FBXL14: variants seen among roughly 807,000 people sequenced by gnomAD.
FBXL14 encodes F-box/LRR-repeat protein 14.
FBXL14 carries 11 observed loss-of-function variants against 24.5 expected under a neutral mutation model. The ratio of observed to expected loss-of-function variants is 0.45; its 90% CI spans 0.28 to 0.74. The LOEUF is 0.74. Ranked by LOEUF, FBXL14 falls within the 30% of genes least tolerant of loss-of-function variation. The pLI is 0.12. For synonymous variants in FBXL14, 294 were observed against 240.4 expected, an observed-to-expected ratio of 1.22 and a Z score of -2.06; for missense variants, 384 against 545.6, an observed-to-expected ratio of 0.70 and a Z score of 2.95.
At chr12:1,584,252 G>C (rs2094472348) in intron 1 of FBXL14, among the ~76,000 whole-genome samples, 2 of 152,186 alleles carry the variant, frequency 1.3e-5, no homozygotes, top group Admixed American at 6.6e-5. Context: ...TCGGGAGGCT[G>C]AGGTGGGAGG....
In FBXL14 at chr12:1,594,176, C is replaced by CCGCCGCCGCCGA; in HGVS notation, c.-111_-110insTCGGCGGCGGCG. The CCGCCGCCGCCGA allele has an allele frequency of 1.1e-6, 1 of 930,924 alleles. No individual in the cohort carries two copies. Among genetic ancestry groups the CCGCCGCCGCCGA allele is most frequent in the Non-Finnish European group, 1.4e-6 (1 of 730,282 alleles). 57.7% of individuals were successfully genotyped at this position (930,924 alleles called of 1,614,324 possible). A position where few individuals can be genotyped will look rare whatever the true frequency, so the allele number is the denominator to read the frequency against. On this transcript the variant is annotated 5_prime_UTR_variant, in exon 1 of 2. Coordinates refer to ENST00000339235, the MANE Select transcript of FBXL14 (RefSeq NM_152441.3). ...TCCCCAGCCGCCGCCGCCGCCGCCG[C>CCGCCGCCGCCGA]CGCCGCCTCGGGCCCAACGGCCGGC...
intron 1 of FBXL14, among the ~76,000 whole-genome samples, chr12:1,574,293 A>G (rs898236930): frequency 3.1e-4 from 30 of 98,018 alleles, no homozygotes; most frequent in African/African-American, 9.9e-4. Context: ...CGCCCCAGTG[A>G]TTCTCCTGTG....
At chr12:1,573,678 T>C (rs1190453987) in intron 1 of FBXL14, among the ~76,000 whole-genome samples, 1 of 152,212 alleles carries the variant, frequency 6.6e-6, no homozygotes, top group Non-Finnish European at 1.5e-5. Context: ...GAACATTCTA[T>C]GTCCATGGGT....
At position 1,591,062 on chromosome 12, in the gene FBXL14, T is replaced by C. The variant is rs542880455; in HGVS notation, c.1194+1811A>G. ...CTGTGACTTACATACAAATCTGGTTTTTTAAAAAGTTTCATTTTGTTCAAT... is the reference window on the plus strand; with the variant it reads ...CTGTGACTTACATACAAATCTGGTTCTTTAAAAAGTTTCATTTTGTTCAAT... On this transcript the variant is annotated intron_variant, in intron 1 of 1. Coordinates refer to ENST00000339235, the MANE Select transcript of FBXL14 (RefSeq NM_152441.3). Among the ~76,000 whole-genome samples the C allele has an allele frequency of 1.4e-4, 21 of 152,366 alleles. No homozygotes were observed. The South Asian group carries it at 4.1e-3, about 30-fold the overall frequency.
intron 1 of FBXL14, among the ~76,000 whole-genome samples, chr12:1,573,596 A>G (rs2094449278): frequency 6.6e-6 from 1 of 152,194 alleles, no homozygotes; most frequent in Non-Finnish European, 1.5e-5. Flanking sequence ...TAGCAATGGG[A>G]GGCTGCACAG....
intron 1 of FBXL14, among the ~76,000 whole-genome samples, chr12:1,570,716 G>C (rs915027169): frequency 6.6e-6 from 1 of 152,112 alleles, no homozygotes; most frequent in Non-Finnish European, 1.5e-5. Flanking sequence ...CAAGTGTCTC[G>C]ATCACTTTTG....
At chr12:1,573,605 A>G (rs370371312) in intron 1 of FBXL14, among the ~76,000 whole-genome samples, 2 of 152,232 alleles carry the variant, frequency 1.3e-5, no homozygotes, top group East Asian at 1.9e-4. Flanking sequence ...GAGGCTGCAC[A>G]GTGTTCATTC....
chr12:1,594,821 G>T (rs11061871), upstream of FBXL14, among the ~76,000 whole-genome samples: 6,728 of 151,498 alleles, frequency 0.044, 232 homozygotes, highest in Non-Finnish European at 0.065. Flanking sequence ...CCGCCGCCCT[G>T]CAGCGCGTCC....
intron 1 of FBXL14, among the ~76,000 whole-genome samples, chr12:1,573,417 G>A (rs74467140): frequency 0.022 from 3,311 of 152,266 alleles, 75 homozygotes; most frequent in Middle Eastern, 0.071. Flanking sequence ...ACAGGACAGG[G>A]TGCCTCGTAG....
At position 1,581,667 on chromosome 12, in the gene FBXL14, G is replaced by A. The variant is rs536467187; in HGVS notation, c.1194+11206C>T. ...CACAGAACTAGAGTGACAGCCACAT[G>A]CCTCCCGTAGGACATTTTCAGGCTT... On this transcript the variant is annotated intron_variant, in intron 1 of 1. Coordinates refer to ENST00000339235, the MANE Select transcript of FBXL14 (RefSeq NM_152441.3). Among the ~76,000 whole-genome samples, 125 of 152,342 alleles carry A rather than the reference G, an allele frequency of 8.2e-4. 2 individuals carry two copies. Among genetic ancestry groups the A allele is most frequent in the Middle Eastern group, 3.4e-3 (1 of 294 alleles).
chr12:1,572,197 A>T (rs1364429841), intron 1 of FBXL14, among the ~76,000 whole-genome samples: 1 of 152,248 alleles, frequency 6.6e-6, no homozygotes, highest in African/African-American at 2.4e-5. Flanking sequence ...CAGTATGACA[A>T]TCCATGCAAG....
chr12:1,581,606 G>A (rs1474039626), intron 1 of FBXL14, among the ~76,000 whole-genome samples: 4 of 152,164 alleles, frequency 2.6e-5, no homozygotes, highest in African/African-American at 7.2e-5. Context: ...GAAATGGGGT[G>A]TGGATGAAAA....
chr12:1,577,738 A>G (rs938105709), intron 1 of FBXL14, among the ~76,000 whole-genome samples: 3 of 152,264 alleles, frequency 2.0e-5, no homozygotes, highest in African/African-American at 7.2e-5. Flanking sequence ...CACTGACTTC[A>G]GGTGACCAGG....
intron 1 of FBXL14, among the ~76,000 whole-genome samples, chr12:1,573,585 A>G (rs10773962): frequency 0.68 from 102,893 of 151,970 alleles, 35,596 homozygotes; most frequent in Middle Eastern, 0.78. Context: ...GGGCACAGAG[A>G]TAGCAATGGG....
chr12:1,585,397 CAA>C (rs34371174), intron 1 of FBXL14, among the ~76,000 whole-genome samples: 6,143 of 93,816 alleles, frequency 0.065, 173 homozygotes, highest in African/African-American at 0.11. Flanking sequence ...GACTCCGTCT[CAA>C]AAAAAAAAAA....
intron 1 of FBXL14, among the ~76,000 whole-genome samples, chr12:1,572,523 G>T (rs1000951258): frequency 6.6e-6 from 1 of 152,220 alleles, no homozygotes; most frequent in Non-Finnish European, 1.5e-5. Flanking sequence ...TATGCTAGTA[G>T]ACCCAGGTCC....
intron 1 of FBXL14, among the ~76,000 whole-genome samples, chr12:1,582,139 G>A (rs1318241683): frequency 4.2e-5 from 6 of 142,530 alleles, no homozygotes; most frequent in Non-Finnish European, 9.1e-5. Flanking sequence ...AAGGAAGGAA[G>A]GAAGGAAGGA....
In FBXL14 at chr12:1,592,808, G is replaced by A. The variant is rs1327763975; in HGVS notation, c.1194+65C>T. 11 of 1,328,798 alleles carry A rather than the reference G, an allele frequency of 8.3e-6. No homozygotes were observed. The Admixed American group carries it at 1.3e-4, about 16-fold the overall frequency. 82.3% of individuals were successfully genotyped at this position (1,328,798 alleles called of 1,614,324 possible). A position where few individuals can be genotyped will look rare whatever the true frequency, so the allele number is the denominator to read the frequency against. On this transcript the variant is annotated intron_variant, in intron 1 of 1. Coordinates refer to ENST00000339235, the MANE Select transcript of FBXL14 (RefSeq NM_152441.3). ...TAAGTGTGCGTGTGAGTGTGTGGGG[G>A]CGGTGGTAATGGGAGGATGAACAGG...
chr12:1,583,931 G>GT (rs1421530975), intron 1 of FBXL14, among the ~76,000 whole-genome samples: 3 of 152,056 alleles, frequency 2.0e-5, no homozygotes, highest in Non-Finnish European at 2.9e-5. Flanking sequence ...GTTTTTTGTT[G>GT]TTTTTTTAAA....
Sources: gnomAD v4.1 joint callset for allele counts (sites outside exome capture counted in the v4.1 genomes callset) on GRCh38, gnomAD v4.1.1 for gene constraint, MANE v1.5 for transcripts, NCBI Gene and HGNC (gene_info 2026-07-23, HGNC 2026-07-21) for gene names.